The following PRKCH variants were observed in gnomAD, a reference collection of about 807,000 sequenced individuals.
PRKCH encodes the protein protein kinase C eta type.
Under a neutral mutation model 82.5 loss-of-function variants are expected in PRKCH, and 28 were observed. The ratio of observed to expected loss-of-function variants is 0.34; its 90% confidence interval spans 0.25 to 0.47. PRKCH has a LOEUF of 0.47. Among genes scored for constraint, PRKCH ranks in the 20% least tolerant of loss-of-function variants. The pLI is 1.00. For missense variants in PRKCH, 705 were observed against 881.8 expected (o/e 0.80, Z 2.54); for synonymous variants, 322 against 327.4 (o/e 0.98, Z 0.18).
intron 1 of PRKCH, among the ~76,000 whole-genome samples, chr14:61,210,385 A>G (rs12432004): frequency 0.23 from 34,785 of 151,824 alleles, 4,994 homozygotes; most frequent in Admixed American, 0.37. Context: ...CACATGTTGC[A>G]TTCCAGCTTC....
chr14:61,407,846 G>T (rs551178529), intron 2 of PRKCH, among the ~76,000 whole-genome samples: 1 of 152,182 alleles, frequency 6.6e-6, no homozygotes, highest in Non-Finnish European at 1.5e-5. Flanking sequence ...CTGCCCATGG[G>T]CTGAAATCAG....
chr14:61,391,723 C>T (rs1211863404), intron 2 of PRKCH, among the ~76,000 whole-genome samples: 1 of 152,178 alleles, frequency 6.6e-6, no homozygotes, highest in Non-Finnish European at 1.5e-5. Flanking sequence ...TGTTCTTCAT[C>T]TGTGGCTACC....
chr14:61,515,741 A>G (rs975651809), intron 10 of PRKCH, among the ~76,000 whole-genome samples: 3 of 152,204 alleles, frequency 2.0e-5, no homozygotes, highest in Admixed American at 2.0e-4. Flanking sequence ...ATACCTGCCC[A>G]AAATGCAAAA....
chr14:61,378,224 C>CTTTTTCT (rs1555380855), intron 1 of PRKCH, among the ~76,000 whole-genome samples: 4,111 of 139,388 alleles, frequency 0.029, 100 homozygotes, highest in African/African-American at 0.076. Flanking sequence ...TTTTCTTTTT[C>CTTTTTCT]TTTTTTTTTT....
chr14:61,302,198 G>A (rs1954013), intron 1 of PRKCH, among the ~76,000 whole-genome samples: 144,707 of 152,312 alleles, frequency 0.95, 69,194 homozygotes, highest in East Asian at 1. Context: ...TAATAACTAT[G>A]TGATCTGTGG....
chr14:61,362,340 TAAAAAA>T (rs10591516), intron 1 of PRKCH, among the ~76,000 whole-genome samples: 1 of 125,524 alleles, frequency 8.0e-6, no homozygotes, highest in Non-Finnish European at 1.7e-5. Flanking sequence ...CATCTTGTCT[TAAAAAA>T]AAAAAAAAAA....
At chr14:61,336,499 C>A (rs576099867) in intron 1 of PRKCH, among the ~76,000 whole-genome samples, 1 of 152,114 alleles carries the variant, frequency 6.6e-6, no homozygotes, top group Non-Finnish European at 1.5e-5. Flanking sequence ...TGTTGGTTTG[C>A]TTATTCAATA....
At chr14:61,248,313 T>C (rs909437971) in intron 1 of PRKCH, among the ~76,000 whole-genome samples, 2 of 152,160 alleles carry the variant, frequency 1.3e-5, no homozygotes, top group African/African-American at 2.4e-5. Context: ...ACCTCAACCA[T>C]CAAAATAATC....
chr14:61,497,941 T>C (rs1429205795), intron 10 of PRKCH, among the ~76,000 whole-genome samples: 4 of 152,144 alleles, frequency 2.6e-5, no homozygotes, highest in Non-Finnish European at 5.9e-5. Flanking sequence ...GTGATTTTTA[T>C]TTTCTTTTTG....
At chr14:61,227,015 C>T (rs944703002) in intron 1 of PRKCH, among the ~76,000 whole-genome samples, 1 of 152,166 alleles carries the variant, frequency 6.6e-6, no homozygotes. Context: ...GGTCCATTGT[C>T]GCCATTAACC....
chr14:61,239,300 G>C (rs1484672672), intron 1 of PRKCH, among the ~76,000 whole-genome samples: 1 of 152,162 alleles, frequency 6.6e-6, no homozygotes, highest in Non-Finnish European at 1.5e-5. Flanking sequence ...TCTTGTATTG[G>C]TTCAAACCCC....
At chr14:61,225,311 C>T (rs1008399029) in intron 1 of PRKCH, among the ~76,000 whole-genome samples, 10 of 152,218 alleles carry the variant, frequency 6.6e-5, no homozygotes, top group South Asian at 2.1e-4. Context: ...TATGTTATCA[C>T]GGACTCCTGC....
At chr14:61,547,616 C>T (rs1283077340) in intron 12 of PRKCH, 127 bp from the exon 13 acceptor site, 2 of 1,216,692 alleles carry the variant, frequency 1.6e-6, no homozygotes, top group Non-Finnish European at 2.3e-6. Flanking sequence ...ATGGAAAACC[C>T]AGCTAGTTAA....
intron 1 of PRKCH, among the ~76,000 whole-genome samples, chr14:61,239,543 C>A (rs2044818223): frequency 6.6e-6 from 1 of 152,224 alleles, no homozygotes; most frequent in African/African-American, 2.4e-5. Context: ...GGCCAGCTCT[C>A]TTCCTGCTTC....
At chr14:61,209,805 T>G (rs1162581658) in intron 1 of PRKCH, among the ~76,000 whole-genome samples, 2 of 152,154 alleles carry the variant, frequency 1.3e-5, no homozygotes, top group Non-Finnish European at 1.5e-5. Context: ...ATCATCCCCC[T>G]GCTTCCCTCC....
chr14:61,529,906 A>T (rs1010913227), intron 11 of PRKCH, among the ~76,000 whole-genome samples: 177 of 9,150 alleles, frequency 0.019, 1 homozygote, highest in Admixed American at 0.044. Flanking sequence ...AAAGTATAAT[A>T]AAAAAAAATA....
chr14:61,204,763 GAA>G lies in PRKCH; in HGVS notation c.-19+17109_-19+17110del, dbSNP rs67978354. ...ACAATAGAGTGAGACCCTTTCTCAA[GAA>G]AAAAAAAAAAAAAGAAAAGAAATAA... is the stretch of plus-strand genomic sequence containing the variant. On this transcript the variant is annotated intron_variant, in intron 1 of 3. Transcript: ENST00000555185. 6.2e-3 allele frequency among the ~76,000 whole-genome samples: 662 copies of G among 106,200 alleles called. 15 individuals carry two copies. In the East Asian group the frequency reaches 0.076, roughly 12 times the overall value. The allele number at this position is 106,200 out of a possible 152,430, so 69.7% of individuals were successfully genotyped here.
intron 1 of PRKCH, among the ~76,000 whole-genome samples, chr14:61,369,577 GA>G (rs2046340247): frequency 6.6e-6 from 1 of 151,956 alleles, no homozygotes; most frequent in African/African-American, 2.4e-5. Flanking sequence ...TCCCCATTCT[GA>G]TTTTACATGT....
chr14:61,473,124 C>T (rs1404955985), intron 9 of PRKCH, among the ~76,000 whole-genome samples: 1 of 152,166 alleles, frequency 6.6e-6, no homozygotes, highest in South Asian at 2.1e-4. Context: ...ACAGAGGTAA[C>T]AGCAGTGCAA....
Sources: allele counts gnomAD v4.1 joint callset (sites outside exome capture counted in the v4.1 genomes callset), GRCh38; gene constraint gnomAD v4.1.1; transcripts MANE v1.5; gene names NCBI Gene and HGNC (gene_info 2026-07-23, HGNC 2026-07-21).